Variants in ARSG observed in about 807,000 individuals in gnomAD.
ARSG encodes the protein arylsulfatase G, also known as ASG.
A neutral mutation model predicts 50.5 loss-of-function variants in ARSG; 37 were observed. That is an observed-to-expected ratio of 0.73 (90% CI 0.56 to 0.96). The LOEUF is 0.96. Ranked by LOEUF, ARSG falls within the 50% of genes least tolerant of loss-of-function variation. ARSG has a pLI of 0.00. For synonymous variants in ARSG, 225 were observed against 254.6 expected (o/e 0.88, Z 1.11); for missense variants, 629 against 675.3 (o/e 0.93, Z 0.76).
intron 1 of ARSG, among the ~76,000 whole-genome samples, chr17:68,303,509 C>T (rs988084660): frequency 7.9e-5 from 12 of 152,002 alleles, no homozygotes; most frequent in Admixed American, 2.0e-4. Flanking sequence ...AGTGCAGTGG[C>T]GCAATCTCAG....
chr17:68,276,863 C>T (rs2075540382), intron 1 of ARSG, among the ~76,000 whole-genome samples: 1 of 152,150 alleles, frequency 6.6e-6, no homozygotes, highest in Non-Finnish European at 1.5e-5. Flanking sequence ...TATTCAATAG[C>T]CCTTTATAGG....
Position 68,331,418 on chromosome 17 carries a change from G to A in ARSG, c.219-12186G>A, listed in dbSNP as rs539241269. Among the ~76,000 whole-genome samples, 325 of 152,012 alleles carry A rather than the reference G, an allele frequency of 2.1e-3. 2 individuals are homozygous for A. The highest frequency in any genetic ancestry group is 3.7e-3 in the South Asian group (18 of 4,826). On this transcript the variant is annotated intron_variant, in intron 2 of 11. Transcript: ENST00000621439. ...CACCAGCTTGCCTGGCTAATTTTTC[G>A]TATTTTTAGTAGAGACGGGGTTTCA...
the ARSG span, chr17:68,436,587 G>T: frequency 4.1e-6 from 4 of 975,616 alleles, no homozygotes; most frequent in Non-Finnish European, 4.6e-6. Context: ...TACTGGCAAG[G>T]GGAGGAATGG....
upstream of ARSG, among the ~76,000 whole-genome samples, chr17:68,288,690 A>G (rs1261398889): frequency 2.0e-5 from 3 of 152,248 alleles, no homozygotes; most frequent in Non-Finnish European, 4.4e-5. Context: ...CTATACTTCT[A>G]TGACAGCCTT....
At chr17:68,347,246 C>G in intron 4 of ARSG, 74 bp downstream of exon 4, 1 of 1,514,960 alleles carries the variant, frequency 6.6e-7, no homozygotes, top group Non-Finnish European at 9.1e-7. Context: ...CCATGAACAG[C>G]TAAGCCATCC....
At chr17:68,338,465 T>G (rs1388770645) in intron 2 of ARSG, among the ~76,000 whole-genome samples, 1 of 152,244 alleles carries the variant, frequency 6.6e-6, no homozygotes, top group East Asian at 1.9e-4. Flanking sequence ...CTTCTGGAGT[T>G]CTTAGTAGAG....
intron 8 of ARSG, among the ~76,000 whole-genome samples, chr17:68,377,021 G>A (rs1352340971): frequency 1.3e-5 from 2 of 152,112 alleles, no homozygotes; most frequent in East Asian, 3.9e-4. Context: ...CACCACACCC[G>A]CCACCATGTC....
rs1328806401 is a variant in ARSG at position 68,401,510 on chromosome 17, G to A, written c.1303+60G>A. 3 of 1,500,096 alleles carry A rather than the reference G, an allele frequency of 2.0e-6. No homozygotes were observed. In the African/African-American group the frequency reaches 4.1e-5, roughly 21 times the overall value. The allele number at this position is 1,500,096 out of a possible 1,614,324, so 92.9% of individuals were successfully genotyped here. A position where few individuals can be genotyped will look rare whatever the true frequency, so the allele number is the denominator to read the frequency against. On this transcript the variant is annotated intron_variant, in intron 11 of 11. Coordinates refer to ENST00000621439, the MANE Select transcript of ARSG (RefSeq NM_001267727.2). ...GTCACAGCTGCACGGGGACCCCATG[G>A]ACTCTCACCCAGGCCTCTGGGAATG...
At chr17:68,375,176 G>T (rs2080084255) in intron 8 of ARSG, among the ~76,000 whole-genome samples, 1 of 152,204 alleles carries the variant, frequency 6.6e-6, no homozygotes, top group South Asian at 2.1e-4. Flanking sequence ...TGGGAGTTTT[G>T]CATTTCTAAG....
At chr17:68,311,228 G>C (rs1390844813) in intron 2 of ARSG, among the ~76,000 whole-genome samples, 1 of 152,154 alleles carries the variant, frequency 6.6e-6, no homozygotes, top group East Asian at 1.9e-4. Context: ...AGTGGTCTTT[G>C]GATGAGCCCT....
At chr17:68,362,345 T>G (rs1378781943) in intron 6 of ARSG, among the ~76,000 whole-genome samples, 1 of 151,962 alleles carries the variant, frequency 6.6e-6, no homozygotes, top group Non-Finnish European at 1.5e-5. Flanking sequence ...TTCTCCTGTT[T>G]GAATGCAGAG....
At chr17:68,270,840 T>A in intron 1 of ARSG, 1 of 1,598,692 alleles carries the variant, frequency 6.3e-7, no homozygotes, top group Non-Finnish European at 8.5e-7. Flanking sequence ...TTAAATTACC[T>A]GCAAGGGGCG....
the ARSG span, among the ~76,000 whole-genome samples, chr17:68,451,477 G>C: frequency 5.9e-5 from 9 of 152,238 alleles, no homozygotes; most frequent in African/African-American, 1.9e-4. Context: ...GCAAGTCAGA[G>C]CAAAGGCAGA....
At chr17:68,337,696 C>T (rs559986441) in intron 2 of ARSG, among the ~76,000 whole-genome samples, 8 of 152,126 alleles carry the variant, frequency 5.3e-5, no homozygotes, top group Admixed American at 3.9e-4. Context: ...CAGCTCACCG[C>T]GACCTCTGTC....
chr17:68,346,979 G>C (rs1264294392), intron 3 of ARSG, 146 bp from the exon 4 acceptor site: 6 of 1,538,524 alleles, frequency 3.9e-6, no homozygotes, highest in Non-Finnish European at 3.5e-6. Context: ...GCAAAGCCTG[G>C]CTTGTACACC....
the ARSG span, among the ~76,000 whole-genome samples, chr17:68,446,105 A>G: frequency 6.6e-6 from 1 of 152,190 alleles, no homozygotes; most frequent in Non-Finnish European, 1.5e-5. Flanking sequence ...CTATTCCCCA[A>G]GGAAGACTAT....
chr17:68,432,879 C>T, the ARSG span, among the ~76,000 whole-genome samples: 1 of 152,176 alleles, frequency 6.6e-6, no homozygotes, highest in African/African-American at 2.4e-5. Context: ...TTTTCCAACC[C>T]CCATTCTGCA....
At chr17:68,448,494 G>T in the ARSG span, 1 of 152,124 alleles carries the variant, frequency 6.6e-6, no homozygotes, top group African/African-American at 2.4e-5. Context: ...TTTAGAAGGT[G>T]GGGGAGGAGA....
rs2076666744 is a variant in ARSG, at chr17:68,307,800, G to A, written c.218+89G>A. On this transcript the variant is annotated intron_variant, in intron 2 of 11. Transcript: ENST00000621439. ...AGGGGCCGTGCAAAGCACTTAAAGA[G>A]TCATTGATGGACCCATGCTGATTTA... 12 of 708,732 alleles carry A rather than the reference G, an allele frequency of 1.7e-5. No homozygotes were observed. In the South Asian group the frequency reaches 2.1e-4, roughly 12 times the overall value. The allele number at this position is 708,732 out of a possible 1,614,324, so 43.9% of individuals were successfully genotyped here.
Sources: allele counts gnomAD v4.1 joint callset (sites outside exome capture counted in the v4.1 genomes callset), GRCh38; gene constraint gnomAD v4.1.1; transcripts MANE v1.5; gene names NCBI Gene and HGNC (gene_info 2026-07-23, HGNC 2026-07-21).